Variants in FBXW2 observed in about 807,000 individuals in gnomAD.
FBXW2 encodes F-box and WD repeat domain containing 2.
In FBXW2, 12 loss-of-function variants were observed where a neutral mutation model predicts 46.0. That is an observed-to-expected ratio of 0.26 (90% CI 0.17 to 0.42). The LOEUF is 0.42. Among genes scored for constraint, FBXW2 ranks in the 10% least tolerant of loss-of-function variants. The pLI is 1.00. For synonymous variants in FBXW2, 203 were observed against 209.6 expected (o/e 0.97, Z 0.27); for missense variants, 360 against 537.0 (o/e 0.67, Z 3.26).
At position 120,762,533 on chromosome 9, in the gene FBXW2, C is replaced by T. The variant is rs1564446504; in HGVS notation, c.*2026G>A. 1.3e-5 allele frequency: 2 copies of T among 152,142 alleles called. No individual in the cohort carries two copies. The highest frequency in any genetic ancestry group is 2.9e-5 in the Non-Finnish European group (2 of 68,022). The allele number at this position is 152,142 out of a possible 1,614,324, so 9.4% of individuals were successfully genotyped here. On this transcript the variant is annotated 3_prime_UTR_variant, in exon 8 of 8. Transcript: ENST00000608872. ...TTGTGGGATGGGGGAAGATATTGTT[C>T]TTTTGCTTAAACCCCACAGAGTTTC...
In FBXW2 at chr9:120,791,995, A is replaced by G. The variant is rs540213971; in HGVS notation, c.-21+1154T>C. On this transcript the variant is annotated intron_variant, in intron 2 of 7. Transcript: ENST00000608872. ...TCCCTATGTTACCTAGGCAACTCAC[A>G]TATTTATATTGGTTTTAAAGAAAAA... 4.6e-5 allele frequency among the ~76,000 whole-genome samples: 7 copies of G among 152,322 alleles called. No homozygotes were observed. The South Asian group carries it at 1.2e-3, about 27-fold the overall frequency.
chr9:120,764,295 G>C lies in FBXW2; in HGVS notation c.*264C>G. Reference sequence around the variant, plus strand: ...CACTCAAGAAAGATGAACCCAAAATGCATCCTCTAACACTGACCAACATAA... The same window carrying C: ...CACTCAAGAAAGATGAACCCAAAATCCATCCTCTAACACTGACCAACATAA... On this transcript the variant is annotated 3_prime_UTR_variant, in exon 8 of 8. Coordinates refer to ENST00000608872, the MANE Select transcript of FBXW2 (RefSeq NM_012164.4). The C allele has an allele frequency of 2.4e-6, 1 of 421,634 alleles. No homozygotes were observed. Among genetic ancestry groups the C allele is most frequent in the South Asian group, 9.9e-5 (1 of 10,086 alleles). The allele number at this position is 421,634 out of a possible 1,614,324, so 26.1% of individuals were successfully genotyped here.
chr9:120,787,654 A>C (rs1036806027), intron 3 of FBXW2, 115 bp downstream of exon 3: 88 of 1,116,094 alleles, frequency 7.9e-5, no homozygotes, highest in Non-Finnish European at 1.1e-4. Context: ...AAAAAAAGTC[A>C]CTGTACATAT....
Position 120,771,503 on chromosome 9 carries a change from C to T in FBXW2, c.921G>A (p.Gly307=), listed in dbSNP as rs749001474. ...DKYEIKIWPI[G]REINCKCLKT... is the part of the protein sequence containing the mutation. Reference sequence around the variant, plus strand: ...TTAAGCACTTACAGTTGATTTCTCTCCCAATTGGCCAAATCTACAGAAAAA... The same window carrying T: ...TTAAGCACTTACAGTTGATTTCTCTTCCAATTGGCCAAATCTACAGAAAAA... Residue 307 remains glycine, a synonymous_variant, in exon 7 of 8, where the codon GGG becomes GGA. Coordinates refer to ENST00000608872, the MANE Select transcript of FBXW2 (RefSeq NM_012164.4). 1.2e-6 allele frequency: 2 copies of T among 1,610,954 alleles called. No individual in the cohort carries two copies. The highest frequency in any genetic ancestry group is 2.2e-5 in the South Asian group (2 of 90,492).
rs1158530797 is a variant in FBXW2 at position 120,793,160 on chromosome 9, C to T, written c.-32G>A. 1 of 586,228 alleles carries T rather than the reference C, an allele frequency of 1.7e-6. No homozygotes were observed. Among genetic ancestry groups the T allele is most frequent in the Non-Finnish European group, 3.0e-6 (1 of 334,952 alleles). The allele number at this position is 586,228 out of a possible 1,614,324, so 36.3% of individuals were successfully genotyped here. A position where few individuals can be genotyped will look rare whatever the true frequency, so the allele number is the denominator to read the frequency against. On this transcript the variant is annotated 5_prime_UTR_variant, in exon 2 of 8. Coordinates refer to ENST00000608872, the MANE Select transcript of FBXW2 (RefSeq NM_012164.4). Reference sequence around the variant, plus strand: ...CGCGCGGCACTGACCTGAGCGAGCGCCCCGGGGCCCGGGACCTCGCGCCGG... The same window carrying T: ...CGCGCGGCACTGACCTGAGCGAGCGTCCCGGGGCCCGGGACCTCGCGCCGG...
At chr9:120,775,220 T>C (rs1481094548) in intron 5 of FBXW2, among the ~76,000 whole-genome samples, 1 of 152,142 alleles carries the variant, frequency 6.6e-6, no homozygotes, top group Non-Finnish European at 1.5e-5. Context: ...ATTTTTGTAC[T>C]TTCAGTAGCG....
At chr9:120,764,974 G>C (rs932278842) in intron 7 of FBXW2, 127 bp from the exon 8 acceptor site, 4 of 782,866 alleles carry the variant, frequency 5.1e-6, no homozygotes, top group Non-Finnish European at 7.5e-6. Context: ...AAATGTTTTT[G>C]ATAAAAAGTA....
chr9:120,757,671 T>G lies in FBXW2; in HGVS notation c.*6888A>C, dbSNP rs1186980163. The G allele has an allele frequency of 6.6e-6, 1 of 152,130 alleles. No individual in the cohort carries two copies. Among genetic ancestry groups the G allele is most frequent in the African/African-American group, 2.4e-5 (1 of 41,428 alleles). 9.4% of individuals were successfully genotyped at this position (152,130 alleles called of 1,614,324 possible). On this transcript the variant is annotated 3_prime_UTR_variant, in exon 8 of 8. Transcript: ENST00000608872. ...TTAAAAATCGTAATGATAAAGGAGC[T>G]CTGGGTAATTTTCTCCATAAGTTTT...
At chr9:120,783,630 AC>A (rs1443642108) in intron 3 of FBXW2, among the ~76,000 whole-genome samples, 1 of 152,154 alleles carries the variant, frequency 6.6e-6, no homozygotes, top group African/African-American at 2.4e-5. Context: ...TATAGTCCAC[AC>A]AGAGACTTTT....
At chr9:120,785,999 A>T (rs1038425397) in intron 3 of FBXW2, among the ~76,000 whole-genome samples, 1 of 140,628 alleles carries the variant, frequency 7.1e-6, no homozygotes, top group Non-Finnish European at 1.5e-5. Flanking sequence ...AACCTGGGTG[A>T]CAGAGTGAGA....
At chr9:120,765,709 T>C (rs547610009) in intron 7 of FBXW2, among the ~76,000 whole-genome samples, 1 of 152,280 alleles carries the variant, frequency 6.6e-6, no homozygotes, top group Admixed American at 6.5e-5. Context: ...GGTTTCTCTC[T>C]AAAAACAGTA....
At chr9:120,780,139 G>GAA (rs1158936856) in intron 3 of FBXW2, among the ~76,000 whole-genome samples, 1 of 94,796 alleles carries the variant, frequency 1.1e-5, no homozygotes, top group Non-Finnish European at 2.3e-5. Flanking sequence ...CCACCTCAAA[G>GAA]AAAAAAAAAA....
At position 120,788,172 on chromosome 9, in the gene FBXW2, C is replaced by T; in HGVS notation, c.87G>A (p.Leu29=). The change falls in exon 3 of 8, where the codon CTG becomes CTA. Residue 29 remains leucine, a synonymous_variant. Transcript: ENST00000608872. The part of the protein sequence containing the change: ...SLTDLQKNET[L]DHLISLSGAV... ...CCCCACTCAGACTAATCAGGTGATC[C>T]AGAGTTTCATTTTTCTGCAAGTCCG... 6.2e-7 allele frequency: 1 copy of T among 1,614,112 alleles called. No homozygotes were observed. The highest frequency in any genetic ancestry group is 1.1e-5 in the South Asian group (1 of 91,084).
At chr9:120,772,060 GAAAAAAAAAA>G (rs59520792) in intron 6 of FBXW2, among the ~76,000 whole-genome samples, 6 of 51,302 alleles carry the variant, frequency 1.2e-4, no homozygotes, top group South Asian at 8.2e-4. Flanking sequence ...CCCTGTCTCA[GAAAAAAAAAA>G]AAAAAAAAAA....
intron 3 of FBXW2, among the ~76,000 whole-genome samples, chr9:120,779,117 C>T (rs1231805122): frequency 6.6e-6 from 1 of 152,166 alleles, no homozygotes; most frequent in African/African-American, 2.4e-5. Flanking sequence ...CAAGGAAAAC[C>T]TGGGATAAAT....
intron 3 of FBXW2, among the ~76,000 whole-genome samples, chr9:120,781,442 T>G (rs368141188): frequency 6.6e-6 from 1 of 152,236 alleles, no homozygotes; most frequent in East Asian, 1.9e-4. Flanking sequence ...TGCGAAATAG[T>G]GGCAAGGTTT....
chr9:120,788,971 C>T (rs906559478), intron 2 of FBXW2, among the ~76,000 whole-genome samples: 3 of 152,164 alleles, frequency 2.0e-5, no homozygotes, highest in Non-Finnish European at 4.4e-5. Context: ...TGGCTTTAGT[C>T]TGTTTTTCTA....
At chr9:120,770,363 G>GA (rs1173107370) in intron 7 of FBXW2, among the ~76,000 whole-genome samples, 5 of 145,788 alleles carry the variant, frequency 3.4e-5, no homozygotes, top group African/African-American at 1.3e-4. Context: ...GCGACAGAGC[G>GA]AGACTCCATC....
intron 5 of FBXW2, among the ~76,000 whole-genome samples, chr9:120,774,288 G>C (rs2131315471): frequency 7.2e-6 from 1 of 138,308 alleles, no homozygotes; most frequent in South Asian, 2.3e-4. Context: ...AGTGAGCCGA[G>C]ATCGTGCCAC....
Sources: allele counts gnomAD v4.1 joint callset (sites outside exome capture counted in the v4.1 genomes callset), GRCh38; gene constraint gnomAD v4.1.1; transcripts MANE v1.5; gene names NCBI Gene and HGNC (gene_info 2026-07-23, HGNC 2026-07-21).